Variants in CNTN5 observed in about 807,000 individuals in gnomAD.
CNTN5 encodes the protein contactin-5.
Under a neutral mutation model 129.1 loss-of-function variants are expected in CNTN5, and 77 were observed. The ratio of observed to expected loss-of-function variants is 0.60; its 90% CI spans 0.50 to 0.72. The LOEUF is 0.72. Ranked by LOEUF, CNTN5 falls within the 30% of genes least tolerant of loss-of-function variation. The pLI is 0.00. For synonymous variants in CNTN5, 509 were observed against 465.6 expected, an observed-to-expected ratio of 1.09 and a Z score of -1.20; for missense variants, 1,478 against 1,328.8, an observed-to-expected ratio of 1.11 and a Z score of -1.75.
intron 1 of CNTN5, among the ~76,000 whole-genome samples, chr11:99,132,570 ATC>A (rs1859000141): frequency 6.6e-6 from 1 of 152,162 alleles, no homozygotes; most frequent in Non-Finnish European, 1.5e-5. Flanking sequence ...AGGATACACA[ATC>A]AATGTGCAGA....
intron 1 of CNTN5, among the ~76,000 whole-genome samples, chr11:99,259,804 T>C (rs1862546382): frequency 6.6e-6 from 1 of 151,912 alleles, no homozygotes; most frequent in Non-Finnish European, 1.5e-5. Flanking sequence ...GTCCATGTTA[T>C]AATTTTGTTT....
At chr11:99,727,894 C>G (rs952641821) in intron 3 of CNTN5, among the ~76,000 whole-genome samples, 1 of 132,290 alleles carries the variant, frequency 7.6e-6, no homozygotes. Context: ...AATTATCCAT[C>G]ACTGTCTCTA....
At chr11:99,996,194 T>C (rs1000102269) in intron 8 of CNTN5, among the ~76,000 whole-genome samples, 1 of 152,170 alleles carries the variant, frequency 6.6e-6, no homozygotes, top group Non-Finnish European at 1.5e-5. Flanking sequence ...CAGTTATTAA[T>C]TGGTTTTTCC....
At chr11:99,192,751 A>T (rs1446291586) in intron 1 of CNTN5, among the ~76,000 whole-genome samples, 1 of 152,102 alleles carries the variant, frequency 6.6e-6, no homozygotes, top group East Asian at 1.9e-4. Context: ...TAAAAAGAAC[A>T]TTCCCTAGTT....
chr11:99,689,991 T>G (rs1308570824), intron 3 of CNTN5, among the ~76,000 whole-genome samples: 4 of 152,238 alleles, frequency 2.6e-5, no homozygotes, highest in African/African-American at 9.6e-5. Context: ...ATCTTTGTCA[T>G]GAAATCTTTG....
chr11:99,309,163 A>G (rs1419755915), intron 1 of CNTN5, among the ~76,000 whole-genome samples: 1 of 149,986 alleles, frequency 6.7e-6, no homozygotes, highest in Non-Finnish European at 1.5e-5. Flanking sequence ...TTTTATTAAT[A>G]TCAGTCACTT....
intron 16 of CNTN5, among the ~76,000 whole-genome samples, chr11:100,239,252 G>A (rs1247329848): frequency 1.3e-5 from 2 of 152,056 alleles, no homozygotes; most frequent in Non-Finnish European, 2.9e-5. Context: ...TTCAAGTGTA[G>A]TTAAACAAAA....
intron 4 of CNTN5, among the ~76,000 whole-genome samples, chr11:99,840,971 T>G (rs1947469717): frequency 6.6e-6 from 1 of 152,164 alleles, no homozygotes; most frequent in African/African-American, 2.4e-5. Context: ...ACATCACTGA[T>G]TATCTTTGCT....
chr11:100,299,877 C>T (rs948406173), intron 20 of CNTN5, among the ~76,000 whole-genome samples: 1 of 151,360 alleles, frequency 6.6e-6, no homozygotes, highest in African/African-American at 2.4e-5. Context: ...CCTTTTCAAA[C>T]ACATCATTAA....
chr11:99,585,256 A>T (rs1320842786), intron 3 of CNTN5, among the ~76,000 whole-genome samples: 1 of 152,242 alleles, frequency 6.6e-6, no homozygotes, highest in Non-Finnish European at 1.5e-5. Context: ...GTATCAAAGA[A>T]GAATATTCAT....
chr11:99,247,054 C>T (rs1376391230), intron 1 of CNTN5, among the ~76,000 whole-genome samples: 1 of 152,112 alleles, frequency 6.6e-6, no homozygotes. Context: ...AATGACATAA[C>T]TTAATAGTAT....
intron 2 of CNTN5, among the ~76,000 whole-genome samples, chr11:99,440,586 A>T (rs1943786846): frequency 6.6e-6 from 1 of 152,164 alleles, no homozygotes; most frequent in African/African-American, 2.4e-5. Context: ...TAAAACCTAC[A>T]CAAGATTGTT....
At chr11:99,807,069 A>G (rs1946295324) in intron 3 of CNTN5, among the ~76,000 whole-genome samples, 1 of 152,134 alleles carries the variant, frequency 6.6e-6, no homozygotes. Context: ...TTAATGATGA[A>G]ATATGTATAC....
chr11:99,404,307 C>A (rs1941972695), intron 2 of CNTN5, among the ~76,000 whole-genome samples: 1 of 148,572 alleles, frequency 6.7e-6, no homozygotes, highest in African/African-American at 2.5e-5. Context: ...TTTCTTTATT[C>A]AGCTTTTGAT....
chr11:100,245,927 T>C (rs1239442959), intron 16 of CNTN5, among the ~76,000 whole-genome samples: 3 of 152,098 alleles, frequency 2.0e-5, no homozygotes, highest in African/African-American at 7.2e-5. Flanking sequence ...ATATAACACT[T>C]AGCACAATGC....
At chr11:99,432,332 A>G (rs1053626340) in intron 2 of CNTN5, among the ~76,000 whole-genome samples, 2 of 152,102 alleles carry the variant, frequency 1.3e-5, no homozygotes, top group East Asian at 1.9e-4. Context: ...TGGGATTTCT[A>G]TTTTGTTTCC....
At chr11:99,504,677 G>A (rs1946553047) in intron 2 of CNTN5, among the ~76,000 whole-genome samples, 1 of 152,082 alleles carries the variant, frequency 6.6e-6, no homozygotes, top group Admixed American at 6.6e-5. Flanking sequence ...TTTTAAGCAG[G>A]AAGTTACTGT....
At chr11:100,314,630 G>A (rs1591506626) in intron 21 of CNTN5, among the ~76,000 whole-genome samples, 1 of 151,984 alleles carries the variant, frequency 6.6e-6, no homozygotes, top group African/African-American at 2.4e-5. Flanking sequence ...TGAAATCTTT[G>A]TATTTTCTTC....
At position 99,973,684 on chromosome 11, in the gene CNTN5, G is replaced by C. The variant is rs556113284; in HGVS notation, c.877+16675G>C. On this transcript the variant is annotated intron_variant, in intron 8 of 24. Coordinates refer to ENST00000524871, the MANE Select transcript of CNTN5 (RefSeq NM_014361.4). ...GTCTAAAATTGAGTAATGTATGGTGGATATTTTATTTCCATTATCCTGCAA... is the reference window on the plus strand; with the variant it reads ...GTCTAAAATTGAGTAATGTATGGTGCATATTTTATTTCCATTATCCTGCAA... 1.4e-4 allele frequency among the ~76,000 whole-genome samples: 21 copies of C among 152,082 alleles called. 1 individual carries two copies. The South Asian group carries it at 3.3e-3, about 24-fold the overall frequency.
Sources: gnomAD v4.1 joint callset for allele counts (sites outside exome capture counted in the v4.1 genomes callset) on GRCh38, gnomAD v4.1.1 for gene constraint, MANE v1.5 for transcripts, NCBI Gene and HGNC (gene_info 2026-07-23, HGNC 2026-07-21) for gene names.